NKAIN3: variants seen among roughly 807,000 people sequenced by gnomAD.
The protein encoded by NKAIN3 is sodium/potassium-transporting ATPase subunit beta-1-interacting protein 3.
A neutral mutation model predicts 30.2 loss-of-function variants in NKAIN3; 25 were observed. The observed-to-expected ratio is 0.83, with a 90% confidence interval of 0.60 to 1.16. The LOEUF is 1.16. Ranked by LOEUF, NKAIN3 falls within the 50% of genes most tolerant of loss-of-function variation. The pLI is 0.00. For synonymous variants in NKAIN3, 91 were observed against 89.6 expected, an observed-to-expected ratio of 1.02 and a Z score of -0.09; for missense variants, 225 against 254.1, an observed-to-expected ratio of 0.89 and a Z score of 0.78.
intron 4 of NKAIN3, among the ~76,000 whole-genome samples, chr8:62,816,841 G>T (rs1818700262): frequency 6.6e-6 from 1 of 152,150 alleles, no homozygotes; most frequent in Non-Finnish European, 1.5e-5. Context: ...AACTGTGTCA[G>T]AAATCCCACA....
At chr8:62,680,334 A>G (rs1360017918) in intron 3 of NKAIN3, among the ~76,000 whole-genome samples, 2 of 152,198 alleles carry the variant, frequency 1.3e-5, no homozygotes, top group African/African-American at 4.8e-5. Context: ...AATTCCAGCC[A>G]AAACCATCTG....
At chr8:62,281,818 C>T (rs1034042773) in intron 1 of NKAIN3, among the ~76,000 whole-genome samples, 3 of 152,024 alleles carry the variant, frequency 2.0e-5, no homozygotes, top group Non-Finnish European at 4.4e-5. Flanking sequence ...TTCACATTTT[C>T]TTTTATGTTG....
intron 4 of NKAIN3, among the ~76,000 whole-genome samples, chr8:62,891,196 C>A (rs187542757): frequency 6.6e-6 from 1 of 152,184 alleles, no homozygotes; most frequent in South Asian, 2.1e-4. Flanking sequence ...ACCATCCAAT[C>A]AACTGCTAGC....
chr8:62,804,225 T>A (rs1346232149), intron 4 of NKAIN3, among the ~76,000 whole-genome samples: 4 of 152,052 alleles, frequency 2.6e-5, no homozygotes, highest in African/African-American at 9.7e-5. Context: ...ACTATTCCAA[T>A]CAATAGGAAA....
At chr8:62,494,558 T>C (rs889861179) in intron 1 of NKAIN3, among the ~76,000 whole-genome samples, 2 of 152,154 alleles carry the variant, frequency 1.3e-5, no homozygotes, top group Non-Finnish European at 2.9e-5. Context: ...GGAGTCACTC[T>C]CCTCAATATT....
At chr8:62,565,829 A>T (rs1177082544) in intron 1 of NKAIN3, among the ~76,000 whole-genome samples, 1 of 152,204 alleles carries the variant, frequency 6.6e-6, no homozygotes, top group Non-Finnish European at 1.5e-5. Context: ...ATGTGCTCAC[A>T]TTAGACACTT....
At chr8:62,470,499 A>G (rs1048083433) in intron 1 of NKAIN3, among the ~76,000 whole-genome samples, 3 of 152,110 alleles carry the variant, frequency 2.0e-5, no homozygotes, top group Non-Finnish European at 4.4e-5. Context: ...GACTTAATTT[A>G]ATGTCTAAAT....
chr8:62,441,610 A>T (rs1402519563), intron 1 of NKAIN3, among the ~76,000 whole-genome samples: 1 of 152,002 alleles, frequency 6.6e-6, no homozygotes, highest in Admixed American at 6.6e-5. Context: ...CTCATATCAA[A>T]CAACTTCCCA....
At chr8:62,849,006 T>C (rs1035828594) in intron 4 of NKAIN3, among the ~76,000 whole-genome samples, 101 of 152,314 alleles carry the variant, frequency 6.6e-4, no homozygotes, top group African/African-American at 2.4e-3. Context: ...ATCTCAGAGA[T>C]GAAGCCAACT....
chr8:62,528,907 G>A (rs892267082), intron 1 of NKAIN3, among the ~76,000 whole-genome samples: 4 of 152,104 alleles, frequency 2.6e-5, no homozygotes, highest in Non-Finnish European at 4.4e-5. Flanking sequence ...CTAAGTGATA[G>A]ATACCATTTT....
chr8:62,545,149 C>T (rs762898196), intron 1 of NKAIN3, among the ~76,000 whole-genome samples: 1 of 152,108 alleles, frequency 6.6e-6, no homozygotes, highest in Non-Finnish European at 1.5e-5. Flanking sequence ...ATACATATTT[C>T]CTAAGATCCA....
At chr8:62,658,524 G>A (rs1030841892) in intron 3 of NKAIN3, among the ~76,000 whole-genome samples, 4 of 152,138 alleles carry the variant, frequency 2.6e-5, no homozygotes, top group Admixed American at 1.3e-4. Context: ...CATATATTAT[G>A]ATGGTTCACT....
At chr8:62,880,602 A>G (rs1446305674) in intron 4 of NKAIN3, among the ~76,000 whole-genome samples, 1 of 152,128 alleles carries the variant, frequency 6.6e-6, no homozygotes, top group Non-Finnish European at 1.5e-5. Context: ...TTTTCCCTTA[A>G]AAAAATGGAA....
intron 3 of NKAIN3, among the ~76,000 whole-genome samples, chr8:62,731,090 T>C (rs1815448320): frequency 6.6e-6 from 1 of 152,170 alleles, no homozygotes; most frequent in South Asian, 2.1e-4. Context: ...GTTTGTTCCT[T>C]GCACCTAACC....
chr8:62,501,036 T>A (rs1327093798), intron 1 of NKAIN3, among the ~76,000 whole-genome samples: 2 of 152,218 alleles, frequency 1.3e-5, no homozygotes, highest in Non-Finnish European at 2.9e-5. Context: ...TATATTCACA[T>A]AAACATATTC....
chr8:62,776,505 A>G (rs1255651443), intron 4 of NKAIN3, among the ~76,000 whole-genome samples: 1 of 152,158 alleles, frequency 6.6e-6, no homozygotes. Flanking sequence ...ATAGCCCATT[A>G]TTTTAAACTG....
intron 4 of NKAIN3, among the ~76,000 whole-genome samples, chr8:62,866,722 C>T (rs1820426213): frequency 6.6e-6 from 1 of 151,836 alleles, no homozygotes; most frequent in Non-Finnish European, 1.5e-5. Context: ...AACAATAATC[C>T]ATTGTTTGAG....
At chr8:62,376,148 T>A (rs892594818) in intron 1 of NKAIN3, among the ~76,000 whole-genome samples, 57 of 151,990 alleles carry the variant, frequency 3.8e-4, no homozygotes, top group African/African-American at 1.3e-3. Context: ...CCACAGAGAG[T>A]TCCCCCAGAC....
chr8:62,595,669 C>T (rs1274654753), intron 3 of NKAIN3, among the ~76,000 whole-genome samples: 3 of 151,976 alleles, frequency 2.0e-5, no homozygotes, highest in Admixed American at 2.0e-4. Flanking sequence ...TGGTCACCTT[C>T]CCAGCTAGGC....
Sources: gnomAD v4.1 joint callset for allele counts (sites outside exome capture counted in the v4.1 genomes callset) on GRCh38, gnomAD v4.1.1 for gene constraint, MANE v1.5 for transcripts, NCBI Gene and HGNC (gene_info 2026-07-23, HGNC 2026-07-21) for gene names.